The following GLIS3 variants were observed in gnomAD, a reference collection of about 807,000 sequenced individuals.
GLIS3 encodes zinc finger protein GLIS3.
A neutral mutation model predicts 78.6 loss-of-function variants in GLIS3; 53 were observed. The observed-to-expected ratio is 0.67, with a 90% confidence interval of 0.54 to 0.85. The LOEUF (loss-of-function observed/expected upper bound fraction) is 0.85, where lower values mean the gene tolerates loss of function less well. Among genes scored for constraint, GLIS3 ranks in the 40% least tolerant of loss-of-function variants. The pLI is 0.00. For missense variants in GLIS3, 1,703 were observed against 1,231.1 expected, an observed-to-expected ratio of 1.38 and a Z score of -5.74; for synonymous variants, 684 against 509.9, an observed-to-expected ratio of 1.34 and a Z score of -4.60.
intron 6 of GLIS3, among the ~76,000 whole-genome samples, chr9:3,922,938 T>A (rs1165991880): frequency 6.6e-6 from 1 of 151,900 alleles, no homozygotes; most frequent in Non-Finnish European, 1.5e-5. Context: ...TAGGATGGGG[T>A]CATTGGGAAC....
the GLIS3 span, among the ~76,000 whole-genome samples, chr9:4,374,159 G>A: frequency 2.0e-5 from 3 of 152,176 alleles, no homozygotes; most frequent in Non-Finnish European, 4.4e-5. Context: ...CCTGCTTGTT[G>A]AAACTGCTTC....
At chr9:3,983,866 T>C (rs954563380) in intron 4 of GLIS3, among the ~76,000 whole-genome samples, 9 of 152,110 alleles carry the variant, frequency 5.9e-5, no homozygotes, top group African/African-American at 2.2e-4. Flanking sequence ...AGCCTGAAAA[T>C]GCGATAGAAA....
chr9:4,289,737 T>C (rs1052435602), intron 1 of GLIS3, among the ~76,000 whole-genome samples: 4 of 152,158 alleles, frequency 2.6e-5, no homozygotes, highest in Admixed American at 6.5e-5. Context: ...GGATCTGACA[T>C]TGTGGCATAG....
intron 2 of GLIS3, among the ~76,000 whole-genome samples, chr9:4,311,034 G>C (rs952133061): frequency 1.3e-5 from 2 of 152,232 alleles, no homozygotes; most frequent in African/African-American, 4.8e-5. Context: ...TCTAAGGATG[G>C]GGACTTTATA....
chr9:4,213,916 A>G (rs1261628276), intron 2 of GLIS3, among the ~76,000 whole-genome samples: 1 of 113,688 alleles, frequency 8.8e-6, no homozygotes, highest in Non-Finnish European at 1.8e-5. Flanking sequence ...GGCAGAAAAT[A>G]AACACAGAAG....
At position 3,936,880 on chromosome 9, in the gene GLIS3, G is replaced by A. The variant is rs1825926899; in HGVS notation, c.1872+148C>T. ...CAGCCAAATAAATAGGGCCCCATCT[G>A]GCCTTTTACCAGGCTCCACTGCTGC... On this transcript the variant is annotated intron_variant, in intron 5 of 10. Coordinates refer to ENST00000381971, the MANE Select transcript of GLIS3 (RefSeq NM_001042413.2). 3.0e-6 allele frequency: 3 copies of A among 999,202 alleles called. No homozygotes were observed. In the South Asian group the frequency reaches 4.2e-5, roughly 14 times the overall value. The allele number at this position is 999,202 out of a possible 1,614,324, so 61.9% of individuals were successfully genotyped here. A position where few individuals can be genotyped will look rare whatever the true frequency, so the allele number is the denominator to read the frequency against.
the GLIS3 span, among the ~76,000 whole-genome samples, chr9:4,357,318 T>C: frequency 6.6e-6 from 1 of 152,150 alleles, no homozygotes; most frequent in Non-Finnish European, 1.5e-5. Context: ...GTGGGCCTCA[T>C]CCAATCCCCT....
chr9:3,833,464 T>A (rs751159110), intron 9 of GLIS3, among the ~76,000 whole-genome samples: 1 of 152,132 alleles, frequency 6.6e-6, no homozygotes, highest in South Asian at 2.1e-4. Flanking sequence ...CATAGCAAAT[T>A]TGGAAATAAC....
intron 7 of GLIS3, chr9:3,898,228 G>GT (rs58013898): frequency 0.047 from 11,070 of 233,868 alleles, 381 homozygotes; most frequent in African/African-American, 0.11. Context: ...TCCCACAATG[G>GT]TTGGCAAACA....
intron 2 of GLIS3, chr9:4,147,549 C>G (rs554523746): frequency 6.6e-6 from 1 of 152,350 alleles, no homozygotes; most frequent in Non-Finnish European, 1.5e-5. Context: ...GCTACTTGCT[C>G]TTTGGTTTTA....
intron 2 of GLIS3, chr9:4,285,619 T>A (rs1827917546): frequency 1.2e-5 from 2 of 161,510 alleles, no homozygotes; most frequent in African/African-American, 4.8e-5. Context: ...TACACTATAC[T>A]TTTAGCACTG....
At chr9:4,144,169 G>C (rs1005731091) in intron 2 of GLIS3, among the ~76,000 whole-genome samples, 3 of 152,160 alleles carry the variant, frequency 2.0e-5, no homozygotes, top group Non-Finnish European at 4.4e-5. Flanking sequence ...CCTGTCATCT[G>C]ACACCACAGC....
At chr9:3,937,694 T>C (rs1484057529) in intron 4 of GLIS3, among the ~76,000 whole-genome samples, 1 of 152,190 alleles carries the variant, frequency 6.6e-6, no homozygotes, top group Non-Finnish European at 1.5e-5. Flanking sequence ...TAGATCAATA[T>C]GATCATAAAT....
Position 4,118,132 on chromosome 9 carries a change from A to T in GLIS3, c.1346T>A (p.Leu449His), listed in dbSNP as rs1398432795. The change falls in exon 4 of 11, where the codon CTC becomes CAC. Residue 449 changes from leucine (L) to histidine (H), a missense_variant. Physicochemically the swap from Leu to His is moderately conservative, Grantham distance 99 (BLOSUM62 -3). Coordinates refer to ENST00000381971, the MANE Select transcript of GLIS3 (RefSeq NM_001042413.2). The surrounding 1 kb of genome is among the most constrained non-coding windows in gnomAD (Gnocchi z 4.7). Reference protein sequence around the residue: ...STVDLPPAPPLPPLPPPPGPP... With the variant: ...STVDLPPAPPHPPLPPPPGPP... ...GCCTGGGGGCGGCGGCAGAGGAGGGAGCGGAGGCGCGGGGGGTAGGTCTAC... is the reference window on the plus strand; with the variant it reads ...GCCTGGGGGCGGCGGCAGAGGAGGGTGCGGAGGCGCGGGGGGTAGGTCTAC... 15 of 1,548,984 alleles carry T rather than the reference A, an allele frequency of 9.7e-6. No individual in the cohort carries two copies. The highest frequency in any genetic ancestry group is 1.1e-5 in the Non-Finnish European group (13 of 1,146,646).
chr9:4,438,905 T>C, the GLIS3 span, among the ~76,000 whole-genome samples: 62 of 152,320 alleles, frequency 4.1e-4, no homozygotes, highest in African/African-American at 1.1e-3. Flanking sequence ...ATGTCTTTAT[T>C]AGCAGCGTGA....
At chr9:3,963,965 C>A (rs1047147983) in intron 4 of GLIS3, among the ~76,000 whole-genome samples, 1 of 152,214 alleles carries the variant, frequency 6.6e-6, no homozygotes, top group East Asian at 1.9e-4. Flanking sequence ...TTTTTCCAAT[C>A]TGTGATGGTG....
chr9:4,258,579 A>C (rs1402190746), intron 2 of GLIS3, among the ~76,000 whole-genome samples: 1 of 152,242 alleles, frequency 6.6e-6, no homozygotes, highest in Non-Finnish European at 1.5e-5. Flanking sequence ...TAATGGGTAA[A>C]GAATTCACAT....
At chr9:4,061,649 A>G (rs1435750121) in intron 4 of GLIS3, among the ~76,000 whole-genome samples, 1 of 152,250 alleles carries the variant, frequency 6.6e-6, no homozygotes, top group Non-Finnish European at 1.5e-5. Flanking sequence ...TGAGATGTTG[A>G]TACTTTTTTA....
chr9:4,480,757 T>C, the GLIS3 span, among the ~76,000 whole-genome samples: 3 of 151,974 alleles, frequency 2.0e-5, no homozygotes, highest in South Asian at 4.1e-4. Flanking sequence ...CACACATACA[T>C]TTAATTGGAA....
Sources: allele counts gnomAD v4.1 joint callset (sites outside exome capture counted in the v4.1 genomes callset), GRCh38; gene constraint gnomAD v4.1.1; non-coding constraint Gnocchi (gnomAD v3.1); transcripts MANE v1.5; gene names NCBI Gene and HGNC (gene_info 2026-07-23, HGNC 2026-07-21).